TBCD: variants seen among roughly 807,000 people sequenced by gnomAD.
TBCD encodes the protein tubulin folding cofactor D.
In TBCD, 105 loss-of-function variants were observed where a neutral mutation model predicts 169.3. The observed-to-expected ratio is 0.62, with a 90% CI of 0.53 to 0.73. The LOEUF (loss-of-function observed/expected upper bound fraction) is 0.73, where lower values mean the gene tolerates loss of function less well. TBCD is among the 30% of genes least tolerant of loss of function. TBCD has a pLI of 0.00. For synonymous variants in TBCD, 700 were observed against 643.9 expected (o/e 1.09, Z -1.32); for missense variants, 1,444 against 1,600.1 (o/e 0.90, Z 1.66).
At chr17:82,907,708 G>A (rs577066993) in intron 20 of TBCD, 53 bp from the exon 21 acceptor site, 58 of 1,602,564 alleles carry the variant, frequency 3.6e-5, no homozygotes, top group East Asian at 2.0e-4. Flanking sequence ...GAGTGTACTC[G>A]GGGTTAGGGT....
intron 13 of TBCD, among the ~76,000 whole-genome samples, chr17:82,840,798 C>T (rs1308579211): frequency 6.6e-6 from 1 of 152,088 alleles, no homozygotes; most frequent in Non-Finnish European, 1.5e-5. Flanking sequence ...GGAGGCCGCA[C>T]CCCAGTTGTA....
At position 82,758,450 on chromosome 17, in the gene TBCD, G is replaced by A. The variant is rs973466944; in HGVS notation, c.235+2235G>A. ...TTTTTTGTAGAGAAGGGGTCTTGCCGTGTTGCCCAGGCTGGTCTCATACCT... is the reference window on the plus strand; with the variant it reads ...TTTTTTGTAGAGAAGGGGTCTTGCCATGTTGCCCAGGCTGGTCTCATACCT... On this transcript the variant is annotated intron_variant, in intron 2 of 38. Transcript: ENST00000355528. Among the ~76,000 whole-genome samples the A allele has an allele frequency of 4.4e-4, 62 of 141,096 alleles. 1 individual carries two copies. In the Middle Eastern group the frequency reaches 0.011, roughly 25 times the overall value. 92.6% of individuals were successfully genotyped at this position (141,096 alleles called of 152,430 possible).
At chr17:82,754,415 T>A (rs1027588486) in intron 1 of TBCD, among the ~76,000 whole-genome samples, 1 of 152,158 alleles carries the variant, frequency 6.6e-6, no homozygotes. Context: ...TGAAAAGATA[T>A]CTTTAAAGGC....
intron 20 of TBCD, among the ~76,000 whole-genome samples, chr17:82,907,346 T>A (rs1174934198): frequency 6.6e-6 from 1 of 152,192 alleles, no homozygotes; most frequent in Non-Finnish European, 1.5e-5. Context: ...TTTAAGGGGA[T>A]GCCCTAACAT....
intron 13 of TBCD, among the ~76,000 whole-genome samples, chr17:82,842,780 C>CTTTTTTTTTTTTTTT (rs375870095): frequency 7.7e-6 from 1 of 129,900 alleles, no homozygotes; most frequent in African/African-American, 2.9e-5. Context: ...TTCTTTCTTT[C>CTTTTTTTTTTTTTTT]TTTTTTTTTT....
chr17:82,808,619 T>TG (rs573875040), intron 11 of TBCD, among the ~76,000 whole-genome samples: 492 of 68,672 alleles, frequency 7.2e-3, no homozygotes, highest in Non-Finnish European at 0.011. Flanking sequence ...TGGCAGGTGC[T>TG]GGGGGGCAGA....
intron 9 of TBCD, among the ~76,000 whole-genome samples, chr17:82,804,408 C>CA (rs2050802929): frequency 6.7e-6 from 1 of 148,756 alleles, no homozygotes; most frequent in African/African-American, 2.4e-5. Flanking sequence ...GCTTCTTAAA[C>CA]AGTGCACTTT....
chr17:82,883,298 T>C (rs571307023), intron 14 of TBCD, among the ~76,000 whole-genome samples: 2 of 152,370 alleles, frequency 1.3e-5, no homozygotes, highest in East Asian at 3.9e-4. Context: ...TTCCACCTTT[T>C]CCCTTTAGGC....
At chr17:82,841,967 C>A (rs992989470) in intron 13 of TBCD, among the ~76,000 whole-genome samples, 3 of 152,234 alleles carry the variant, frequency 2.0e-5, no homozygotes, top group Non-Finnish European at 2.9e-5. Context: ...CTCAGGACTT[C>A]AAGAGAGCAA....
At chr17:82,901,787 G>T (rs1006146579) in intron 18 of TBCD, among the ~76,000 whole-genome samples, 2 of 152,192 alleles carry the variant, frequency 1.3e-5, no homozygotes, top group Admixed American at 6.5e-5. Flanking sequence ...CCCTTCATTC[G>T]CTTACAGAGA....
intron 8 of TBCD, among the ~76,000 whole-genome samples, chr17:82,798,442 G>A (rs1249950285): frequency 2.0e-5 from 3 of 151,336 alleles, no homozygotes; most frequent in East Asian, 1.9e-4. Flanking sequence ...CACCGTGCCC[G>A]GCCTAATTTT....
intron 13 of TBCD, among the ~76,000 whole-genome samples, chr17:82,866,248 A>G (rs979491544): frequency 6.6e-6 from 1 of 152,122 alleles, no homozygotes; most frequent in African/African-American, 2.4e-5. Context: ...TGGCAGCCCA[A>G]GTCCTCCCCT....
At chr17:82,859,603 A>AGTGT (rs1218787962) in intron 13 of TBCD, 1 of 985,330 alleles carries the variant, frequency 1.0e-6, no homozygotes, top group African/African-American at 1.7e-5. Flanking sequence ...GCAGACTCCA[A>AGTGT]GTGTGAGCCC....
intron 13 of TBCD, among the ~76,000 whole-genome samples, chr17:82,857,346 C>T (rs922681946): frequency 2.0e-5 from 3 of 152,120 alleles, no homozygotes; most frequent in African/African-American, 4.8e-5. Context: ...CTGTTTGTAT[C>T]TTCTGGATAT....
intron 7 of TBCD, among the ~76,000 whole-genome samples, chr17:82,794,544 T>G (rs943949579): frequency 3.9e-5 from 6 of 152,214 alleles, no homozygotes; most frequent in Non-Finnish European, 7.4e-5. Context: ...GCCCCCCATT[T>G]TATGGCCTAG....
rs1568079539 is a variant in TBCD, at chr17:82,930,605, C to G, written c.3075C>G (p.Thr1025=). The change falls in exon 33 of 39, where the codon ACC becomes ACG. Residue 1025 remains threonine (T), a synonymous_variant. Coordinates refer to ENST00000355528, the MANE Select transcript of TBCD (RefSeq NM_005993.5). This position sits in a 1 kb window ranked among gnomAD's most constrained non-coding sequence, Gnocchi z 5.2. ...AGGCCCTGGGCAGCTTCAGCGGGAC[C>G]CTTCTGCAGATCTTTGAGGACAACC... ...DPQALGSFSG[T]LLQIFEDNLL... 2 of 1,613,960 alleles carry G rather than the reference C, an allele frequency of 1.2e-6. No individual in the cohort carries two copies. Among genetic ancestry groups the G allele is most frequent in the South Asian group, 2.2e-5 (2 of 91,070 alleles).
chr17:82,859,988 G>A (rs1242605700), intron 13 of TBCD, among the ~76,000 whole-genome samples: 1 of 152,224 alleles, frequency 6.6e-6, no homozygotes, highest in Non-Finnish European at 1.5e-5. Flanking sequence ...GTGTCCTTGG[G>A]TGTCAGCTCC....
chr17:82,832,013 C>T lies in TBCD; in HGVS notation c.1318+17079C>T, dbSNP rs1250848215. The T allele has an allele frequency of 3.7e-6, 6 of 1,612,360 alleles. No homozygotes were observed. The highest frequency in any genetic ancestry group is 2.2e-5 in the East Asian group (1 of 44,858). On this transcript the variant is annotated intron_variant, in intron 13 of 38. Transcript: ENST00000355528. The surrounding 1 kb of genome is among the most constrained non-coding windows in gnomAD (Gnocchi z 4.9). ...GCGCCTTCCAGAGCAGGCTGGGCACCGAGGGCGGCTTCCGGAGCTGGGCTC... is the reference window on the plus strand; with the variant it reads ...GCGCCTTCCAGAGCAGGCTGGGCACTGAGGGCGGCTTCCGGAGCTGGGCTC...
chr17:82,934,280 CTG>C (rs1407474063), intron 34 of TBCD, among the ~76,000 whole-genome samples: 4 of 152,210 alleles, frequency 2.6e-5, no homozygotes, highest in Non-Finnish European at 5.9e-5. Context: ...GATCTGGTCT[CTG>C]TTGCTCCATC....
Sources: allele counts gnomAD v4.1 joint callset (sites outside exome capture counted in the v4.1 genomes callset), GRCh38; gene constraint gnomAD v4.1.1; non-coding constraint Gnocchi (gnomAD v3.1); transcripts MANE v1.5; gene names NCBI Gene and HGNC (gene_info 2026-07-23, HGNC 2026-07-21).